MAGI2: variants seen among roughly 807,000 people sequenced by gnomAD.
MAGI2 encodes the protein membrane associated guanylate kinase, WW and PDZ domain containing 2.
Under a neutral mutation model 133.3 loss-of-function variants are expected in MAGI2, and 35 were observed. The observed-to-expected ratio is 0.26, with a 90% CI of 0.20 to 0.35. The LOEUF (loss-of-function observed/expected upper bound fraction) is 0.35, where lower values mean the gene tolerates loss of function less well. MAGI2 is among the 10% of genes least tolerant of loss of function. The pLI, the probability that MAGI2 is intolerant of heterozygous loss-of-function variation, is 1.00. For missense variants in MAGI2, 1,636 were observed against 1,863.4 expected, an observed-to-expected ratio of 0.88 and a Z score of 2.25; for synonymous variants, 729 against 710.6, an observed-to-expected ratio of 1.03 and a Z score of -0.41.
At chr7:79,167,551 T>A (rs1251967573) in intron 1 of MAGI2, among the ~76,000 whole-genome samples, 5 of 152,054 alleles carry the variant, frequency 3.3e-5, no homozygotes, top group Non-Finnish European at 5.9e-5. Flanking sequence ...ATACTATTTC[T>A]TTTTTTGTTT....
intron 1 of MAGI2, among the ~76,000 whole-genome samples, chr7:79,147,981 T>C (rs1333436914): frequency 6.6e-6 from 1 of 152,120 alleles, no homozygotes; most frequent in Admixed American, 6.5e-5. Flanking sequence ...CTACTGTACA[T>C]AGATAAAGGG....
At chr7:78,309,473 T>C (rs1236657611) in intron 9 of MAGI2, among the ~76,000 whole-genome samples, 7 of 152,140 alleles carry the variant, frequency 4.6e-5, no homozygotes, top group African/African-American at 1.7e-4. Flanking sequence ...CACTTATAAG[T>C]GGCAGCTAAG....
intron 2 of MAGI2, among the ~76,000 whole-genome samples, chr7:78,795,935 A>T (rs1787570383): frequency 6.6e-6 from 1 of 152,170 alleles, no homozygotes; most frequent in South Asian, 2.1e-4. Context: ...GGATAACCAT[A>T]TACAGAATGA....
At chr7:79,350,999 A>G (rs527765117) in intron 1 of MAGI2, among the ~76,000 whole-genome samples, 49 of 152,272 alleles carry the variant, frequency 3.2e-4, no homozygotes, top group African/African-American at 1.2e-3. Context: ...AAACAGCTCT[A>G]TTAAGTAAAT....
chr7:78,472,468 G>T (rs1490189978), intron 6 of MAGI2, among the ~76,000 whole-genome samples: 2 of 151,928 alleles, frequency 1.3e-5, no homozygotes, highest in Non-Finnish European at 2.9e-5. Context: ...AGGCAGTAAA[G>T]GAGCCAATGA....
intron 1 of MAGI2, among the ~76,000 whole-genome samples, chr7:79,452,313 C>G (rs1274776014): frequency 6.6e-6 from 1 of 152,202 alleles, no homozygotes; most frequent in Non-Finnish European, 1.5e-5. Context: ...CCTCCTCCCC[C>G]GGGCTGGCTA....
In MAGI2 at chr7:78,467,601, T is replaced by C. The variant is rs540572598; in HGVS notation, c.1045+22160A>G. On this transcript the variant is annotated intron_variant, in intron 6 of 21. Coordinates refer to ENST00000354212, the MANE Select transcript of MAGI2 (RefSeq NM_012301.4). ...TAGATAAAACATAGATAAGAAAGAG[T>C]TGAATTTGTCAATATAAAATGCAAT... Among the ~76,000 whole-genome samples the C allele has an allele frequency of 4.5e-4, 68 of 150,508 alleles. No individual in the cohort carries two copies. In the South Asian group the frequency reaches 6.3e-3, roughly 14 times the overall value.
At chr7:79,143,172 G>A (rs1311981637) in intron 1 of MAGI2, among the ~76,000 whole-genome samples, 1 of 152,130 alleles carries the variant, frequency 6.6e-6, no homozygotes, top group Non-Finnish European at 1.5e-5. Flanking sequence ...TCACTCTCTA[G>A]ATAAAAACAT....
In MAGI2 at chr7:78,466,953, G is replaced by A. The variant is rs373578059; in HGVS notation, c.1045+22808C>T. 1.4e-4 allele frequency among the ~76,000 whole-genome samples: 21 copies of A among 152,206 alleles called. No homozygotes were observed. In the South Asian group the frequency reaches 3.7e-3, roughly 27 times the overall value. ...AGTAAAATTAATGGGTATCTGTCCC[G>A]GTGATATACTTTTCCCAAATTCACA... On this transcript the variant is annotated intron_variant, in intron 6 of 21. Transcript: ENST00000354212.
chr7:78,454,389 A>G (rs908927885), intron 6 of MAGI2, among the ~76,000 whole-genome samples: 13 of 152,212 alleles, frequency 8.5e-5, no homozygotes, highest in Middle Eastern at 3.4e-3. Flanking sequence ...GTACCACTAC[A>G]CAGCTATTAG....
At chr7:78,624,990 A>G (rs1457947624) in intron 3 of MAGI2, among the ~76,000 whole-genome samples, 1 of 152,124 alleles carries the variant, frequency 6.6e-6, no homozygotes, top group Non-Finnish European at 1.5e-5. Flanking sequence ...CTTTGTTATC[A>G]TAGGAGATGA....
intron 20 of MAGI2, among the ~76,000 whole-genome samples, chr7:78,124,595 G>A (rs547092422): frequency 2.0e-5 from 3 of 152,162 alleles, no homozygotes; most frequent in East Asian, 1.9e-4. Flanking sequence ...CTGAGGTTCC[G>A]GAACCCCAAA....
chr7:78,327,401 A>G (rs1788693744), intron 9 of MAGI2, among the ~76,000 whole-genome samples: 1 of 152,168 alleles, frequency 6.6e-6, no homozygotes, highest in South Asian at 2.1e-4. Context: ...CAATTTGGAA[A>G]CCTGATCTCC....
chr7:79,124,318 T>C (rs940151402), intron 1 of MAGI2, among the ~76,000 whole-genome samples: 1 of 152,218 alleles, frequency 6.6e-6, no homozygotes, highest in African/African-American at 2.4e-5. Flanking sequence ...AGCTATTATG[T>C]GCCTGGGATA....
intron 3 of MAGI2, among the ~76,000 whole-genome samples, chr7:78,568,552 G>A (rs925621395): frequency 1.3e-5 from 2 of 151,910 alleles, no homozygotes; most frequent in African/African-American, 2.4e-5. Flanking sequence ...CCTCTTATCC[G>A]GTTTTATTAG....
chr7:78,545,212 CTTTTTTTTT>C (rs71085537), intron 3 of MAGI2, among the ~76,000 whole-genome samples: 1 of 83,130 alleles, frequency 1.2e-5, no homozygotes, highest in East Asian at 3.7e-4. Flanking sequence ...TAACCTGATT[CTTTTTTTTT>C]TTTTTTTTTT....
At chr7:78,655,454 C>CAAAAAAAAAAAAAAAAAAAAAACA in intron 2 of MAGI2, among the ~76,000 whole-genome samples, 9 of 64,934 alleles carry the variant, frequency 1.4e-4, no homozygotes, top group Admixed American at 3.7e-4. Flanking sequence ...AAAAAACAAC[C>CAAAAAAAAAAAAAAAAAAAAAACA]AAAAAAAAAA....
chr7:79,163,750 T>C (rs1198922603), intron 1 of MAGI2, among the ~76,000 whole-genome samples: 6 of 152,032 alleles, frequency 3.9e-5, no homozygotes, highest in Admixed American at 1.3e-4. Context: ...TGCCCTCTGA[T>C]TTCACTTATA....
chr7:78,466,363 A>G (rs1358912378), intron 6 of MAGI2, among the ~76,000 whole-genome samples: 2 of 152,202 alleles, frequency 1.3e-5, no homozygotes, highest in African/African-American at 4.8e-5. Flanking sequence ...TCACTTGGGC[A>G]CAGGTGTGAA....
Sources: gnomAD v4.1 joint callset for allele counts (sites outside exome capture counted in the v4.1 genomes callset) on GRCh38, gnomAD v4.1.1 for gene constraint, MANE v1.5 for transcripts, NCBI Gene and HGNC (gene_info 2026-07-23, HGNC 2026-07-21) for gene names.